LCE5A: variants seen among roughly 807,000 people sequenced by gnomAD.
LCE5A encodes late cornified envelope protein 5A.
For missense variants in LCE5A, 139 were observed against 147.2 expected (o/e 0.94, Z 0.29); for synonymous variants, 51 against 54.2 (o/e 0.94, Z 0.26).
chr1:152,511,377 G>C, intron 1 of LCE5A, 137 bp from the exon 2 acceptor site: 1 of 656,952 alleles, frequency 1.5e-6, no homozygotes, highest in Non-Finnish European at 2.6e-6. Flanking sequence ...CAGCCTGAGT[G>C]ACAGAGTGAG....
rs1288094575 is a variant in LCE5A at position 152,511,819 on chromosome 1, GTCTGGGGGCTCCAGCTGCTGCCACAGC to G, written c.297_323del (p.Ser100_Ser108del). 7 of 1,613,630 alleles carry G rather than the reference GTCTGGGGGCTCCAGCTGCTGCCACAGC, an allele frequency of 4.3e-6. No homozygotes were observed. In the African/African-American group the frequency reaches 5.3e-5, roughly 12 times the overall value. On this transcript the variant is annotated inframe_deletion, in exon 2 of 2. Coordinates refer to ENST00000334269, the MANE Select transcript of LCE5A (RefSeq NM_178438.5). ...GCTGTGGCAGTGGCAGTGGCCAGCA[GTCTGGGGGCTCCAGCTGCTGCCACAGC>G]TCTGGGGGCTCTGGCTGCTGCCACA...
chr1:152,511,329 T>C (rs528542117), intron 1 of LCE5A, among the ~76,000 whole-genome samples, 185 bp from the exon 2 acceptor site: 80 of 151,700 alleles, frequency 5.3e-4, no homozygotes, highest in Non-Finnish European at 1.1e-3. Context: ...ATCCGGGAGG[T>C]GGAGGTTGCA....
At position 152,512,137 on chromosome 1, in the gene LCE5A, G is replaced by A; in HGVS notation, c.*246G>A. The A allele has an allele frequency of 1.9e-6, 1 of 520,728 alleles. No individual in the cohort carries two copies. The highest frequency in any genetic ancestry group is 5.1e-4 in the Middle Eastern group (1 of 1,974). The allele number at this position is 520,728 out of a possible 1,614,324, so 32.3% of individuals were successfully genotyped here. ...GAACTAGGTGTTGTAATTCAGTTAT[G>A]AAGCTATTTTCTCTGTAACAATAAA... On this transcript the variant is annotated 3_prime_UTR_variant, in exon 2 of 2. Transcript: ENST00000334269.
chr1:152,511,893 C>T lies in LCE5A; in HGVS notation c.*2C>T. ...CACAGCTCTGGAGGCTGCTGCTGAC[C>T]TGGGCCATGAGGAGCACGGAGGAGA... On this transcript the variant is annotated 3_prime_UTR_variant, in exon 2 of 2. Coordinates refer to ENST00000334269, the MANE Select transcript of LCE5A (RefSeq NM_178438.5). 1 of 1,608,988 alleles carries T rather than the reference C, an allele frequency of 6.2e-7. No homozygotes were observed. The highest frequency in any genetic ancestry group is 8.5e-7 in the Non-Finnish European group (1 of 1,177,270).
rs557492320 is a variant in LCE5A at position 152,511,627 on chromosome 1, G to T, written c.93G>T (p.Lys31Asn). The change falls in exon 2 of 2, where the codon AAG becomes AAT. Residue 31 changes from lysine (K) to asparagine (N), a missense_variant. Coordinates refer to ENST00000334269, the MANE Select transcript of LCE5A (RefSeq NM_178438.5). ...PPKCTPKCPP[K>N]CPPKCPPQCS... The stretch of plus-strand genomic sequence containing the variant: ...AGTGTACTCCTAAGTGTCCTCCCAA[G>T]TGTCCCCCAAAATGCCCTCCCCAGT... 6.2e-7 allele frequency: 1 copy of T among 1,614,008 alleles called. No individual in the cohort carries two copies. The highest frequency in any genetic ancestry group is 1.1e-5 in the South Asian group (1 of 91,076).
intron 1 of LCE5A, 46 bp from the exon 2 acceptor site, chr1:152,511,468 A>G: frequency 7.8e-7 from 1 of 1,278,890 alleles, no homozygotes; most frequent in Non-Finnish European, 1.1e-6. Flanking sequence ...ATTATAGTTC[A>G]ATTTTAAGGG....
Position 152,511,877 on chromosome 1 carries a change from G to A in LCE5A, c.343G>A (p.Gly115Arg), listed in dbSNP as rs1658594686. 4 of 1,611,994 alleles carry A rather than the reference G, an allele frequency of 2.5e-6. No individual in the cohort carries two copies. Among genetic ancestry groups the A allele is most frequent in the Middle Eastern group, 3.4e-4 (2 of 5,814 alleles). ...GGGCTCTGGCTGCTGCCACAGCTCTGGAGGCTGCTGCTGACCTGGGCCATG... is the reference window on the plus strand; with the variant it reads ...GGGCTCTGGCTGCTGCCACAGCTCTAGAGGCTGCTGCTGACCTGGGCCATG... ...SGGSGCCHSSGGCC is the reference protein window; with the variant it reads ...SGGSGCCHSSRGCC The change falls in exon 2 of 2, where the codon GGA (glycine) becomes AGA (arginine). Residue 115 changes from glycine to arginine, a missense_variant. Coordinates refer to ENST00000334269, the MANE Select transcript of LCE5A (RefSeq NM_178438.5).
intron 1 of LCE5A, 65 bp from the exon 2 acceptor site, chr1:152,511,449 T>C: frequency 2.0e-6 from 2 of 1,022,070 alleles, no homozygotes; most frequent in Non-Finnish European, 3.0e-6. Flanking sequence ...AGAGATAAAA[T>C]CTTGTGAAAT....
At chr1:152,511,398 A>AAATAAT in intron 1 of LCE5A, 116 bp from the exon 2 acceptor site, 1 of 740,164 alleles carries the variant, frequency 1.4e-6, no homozygotes, top group Non-Finnish European at 2.2e-6. Flanking sequence ...ACTCCATCCC[A>AAATAAT]AATAATAATA....
rs1658578839 is a variant in LCE5A at position 152,511,633 on chromosome 1, C to T, written c.99C>T (p.Pro33=). The change falls in exon 2 of 2, where the codon CCC becomes CCT. Residue 33 remains proline, a synonymous_variant. Coordinates refer to ENST00000334269, the MANE Select transcript of LCE5A (RefSeq NM_178438.5). ...KCTPKCPPKC[P]PKCPPQCSAP... is the part of the protein sequence containing the mutation. ...CTCCTAAGTGTCCTCCCAAGTGTCC[C>T]CCAAAATGCCCTCCCCAGTGTTCAG... The T allele has an allele frequency of 6.2e-7, 1 of 1,614,084 alleles. No individual in the cohort carries two copies. Among genetic ancestry groups the T allele is most frequent in the African/African-American group, 1.3e-5 (1 of 75,012 alleles).
At position 152,511,667 on chromosome 1, in the gene LCE5A, C is replaced by T; in HGVS notation, c.133C>T (p.Pro45Ser). 1.2e-5 allele frequency: 20 copies of T among 1,614,174 alleles called. No homozygotes were observed. The highest frequency in any genetic ancestry group is 1.7e-5 in the Non-Finnish European group (20 of 1,180,046). ...KCPPQCSAPC[P>S]PPVSSCCGSS... ...CCCTCCCCAGTGTTCAGCCCCATGC[C>T]CACCTCCAGTCTCTTCCTGCTGTGG... Residue 45 changes from proline to serine, a missense_variant, in exon 2 of 2, where the codon CCA becomes TCA. Transcript: ENST00000334269.
chr1:152,511,487 T>G (rs764123500), intron 1 of LCE5A, 27 bp from the exon 2 acceptor site: 13 of 1,502,350 alleles, frequency 8.7e-6, no homozygotes, highest in Non-Finnish European at 1.2e-5. Flanking sequence ...GGCAAGGAAG[T>G]GACCTTGGGC....
chr1:152,511,947 T>C lies in LCE5A; in HGVS notation c.*56T>C. 1 of 1,489,668 alleles carries C rather than the reference T, an allele frequency of 6.7e-7. No individual in the cohort carries two copies. Among genetic ancestry groups the C allele is most frequent in the Non-Finnish European group, 9.1e-7 (1 of 1,100,468 alleles). 92.3% of individuals were successfully genotyped at this position (1,489,668 alleles called of 1,614,324 possible). On this transcript the variant is annotated 3_prime_UTR_variant, in exon 2 of 2. Coordinates refer to ENST00000334269, the MANE Select transcript of LCE5A (RefSeq NM_178438.5). ...ACTGGCAGATCCCAGGTGCTGAAGATGTGTGTCAGCCTGAGGCTTCTTTTC... is the reference window on the plus strand; with the variant it reads ...ACTGGCAGATCCCAGGTGCTGAAGACGTGTGTCAGCCTGAGGCTTCTTTTC...
In LCE5A at chr1:152,511,831, C is replaced by T. The variant is rs564666567; in HGVS notation, c.297C>T (p.Ser99=). ...GCAGTGGCCAGCAGTCTGGGGGCTC[C>T]AGCTGCTGCCACAGCTCTGGGGGCT... ...GSGSGQQSGG[S]SCCHSSGGSG... The change falls in exon 2 of 2, where the codon TCC becomes TCT. Residue 99 remains serine, a synonymous_variant. Coordinates refer to ENST00000334269, the MANE Select transcript of LCE5A (RefSeq NM_178438.5). The T allele has an allele frequency of 2.3e-5, 37 of 1,613,584 alleles. No homozygotes were observed. Among genetic ancestry groups the T allele is most frequent in the Non-Finnish European group, 3.1e-5 (36 of 1,179,844 alleles).
In LCE5A at chr1:152,511,686, G is replaced by C; in HGVS notation, c.152G>C (p.Cys51Ser). ...CCATGCCCACCTCCAGTCTCTTCCT[G>C]CTGTGGTTCCAGCTCTGGGGGCTGC... ...SAPCPPPVSS[C>S]CGSSSGGCCS... Residue 51 changes from cysteine (C) to serine (S), a missense_variant, in exon 2 of 2, where the codon TGC (cysteine) becomes TCC (serine). Cys to Ser is a moderately radical substitution (Grantham distance 112, BLOSUM62 -1). Transcript: ENST00000334269. 1 of 1,614,154 alleles carries C rather than the reference G, an allele frequency of 6.2e-7. No individual in the cohort carries two copies. The highest frequency in any genetic ancestry group is 8.5e-7 in the Non-Finnish European group (1 of 1,180,042).
chr1:152,511,083 T>C (rs941518904), intron 1 of LCE5A, 85 bp downstream of exon 1: 1 of 155,494 alleles, frequency 6.4e-6, no homozygotes, highest in Non-Finnish European at 1.4e-5. Flanking sequence ...GTGGAAATCA[T>C]TTGTATCATT....
chr1:152,511,615 G>A lies in LCE5A; in HGVS notation c.81G>A (p.Lys27=). Residue 27 remains lysine (K), a synonymous_variant, in exon 2 of 2, where the codon AAG becomes AAA. Coordinates refer to ENST00000334269, the MANE Select transcript of LCE5A (RefSeq NM_178438.5). Reference sequence around the variant, plus strand: ...AATGCCCTCCCAAGTGTACTCCTAAGTGTCCTCCCAAGTGTCCCCCAAAAT... The same window carrying A: ...AATGCCCTCCCAAGTGTACTCCTAAATGTCCTCCCAAGTGTCCCCCAAAAT... The part of the protein sequence containing the change: ...TPKCPPKCTP[K]CPPKCPPKCP... The A allele has an allele frequency of 6.2e-7, 1 of 1,614,106 alleles. No individual in the cohort carries two copies. The highest frequency in any genetic ancestry group is 8.5e-7 in the Non-Finnish European group (1 of 1,180,026).
Position 152,511,953 on chromosome 1 carries a change from T to C in LCE5A, c.*62T>C. On this transcript the variant is annotated 3_prime_UTR_variant, in exon 2 of 2. Transcript: ENST00000334269. ...AGATCCCAGGTGCTGAAGATGTGTG[T>C]CAGCCTGAGGCTTCTTTTCTCTCAT... 3 of 1,459,476 alleles carry C rather than the reference T, an allele frequency of 2.1e-6. No homozygotes were observed. The South Asian group carries it at 4.0e-5, about 19-fold the overall frequency. 90.4% of individuals were successfully genotyped at this position (1,459,476 alleles called of 1,614,324 possible).
rs1557942602 is a variant in LCE5A at position 152,511,853 on chromosome 1, G to A, written c.319G>A (p.Gly107Ser). Residue 107 changes from glycine to serine, a missense_variant, in exon 2 of 2, where the codon GGC (glycine) becomes AGC (serine). By Grantham distance (56) the Gly-to-Ser change is moderately conservative (BLOSUM62 0). Transcript: ENST00000334269. ...GGSSCCHSSG[G>S]SGCCHSSGGC... is the part of the protein sequence containing the mutation. The stretch of plus-strand genomic sequence containing the variant: ...CTCCAGCTGCTGCCACAGCTCTGGG[G>A]GCTCTGGCTGCTGCCACAGCTCTGG... 1.9e-6 allele frequency: 3 copies of A among 1,613,318 alleles called. No individual in the cohort carries two copies. Among genetic ancestry groups the A allele is most frequent in the Non-Finnish European group, 2.5e-6 (3 of 1,179,670 alleles).
Sources: gnomAD v4.1 joint callset for allele counts (sites outside exome capture counted in the v4.1 genomes callset) on GRCh38, gnomAD v4.1.1 for gene constraint, MANE v1.5 for transcripts, NCBI Gene and HGNC (gene_info 2026-07-23, HGNC 2026-07-21) for gene names.